Variants in SYNE1 observed in about 807,000 individuals in gnomAD.
SYNE1 encodes spectrin repeat containing nuclear envelope protein 1.
In SYNE1, 616 loss-of-function variants were observed where a neutral mutation model predicts 1,111.0. The ratio of observed to expected loss-of-function variants is 0.55; its 90% CI spans 0.52 to 0.59. The LOEUF is 0.59. Ranked by LOEUF, SYNE1 falls within the 20% of genes least tolerant of loss-of-function variation. The probability of loss-of-function intolerance (pLI) is 0.00; values close to 1 mark genes in which losing one functional copy is unlikely to be tolerated. For synonymous variants in SYNE1, 3,855 were observed against 3,825.8 expected (o/e 1.01, Z -0.28); for missense variants, 10,006 against 10,417.0 (o/e 0.96, Z 1.72).
intron 120 of SYNE1, among the ~76,000 whole-genome samples, chr6:152,218,721 T>G (rs1458585608): frequency 2.6e-5 from 4 of 152,182 alleles, no homozygotes; most frequent in Non-Finnish European, 5.9e-5. Flanking sequence ...ACACGAATAT[T>G]TATATTAAAG....
intron 20 of SYNE1, 186 bp downstream of exon 20, chr6:152,462,552 T>C: frequency 1.5e-6 from 1 of 646,382 alleles, no homozygotes; most frequent in Non-Finnish European, 2.6e-6. Context: ...TTACTTTATA[T>C]GATCAAGTCA....
intron 121 of SYNE1, among the ~76,000 whole-genome samples, chr6:152,218,040 C>G (rs1192981817): frequency 6.6e-6 from 1 of 151,838 alleles, no homozygotes; most frequent in Admixed American, 6.6e-5. Context: ...ACTAAAAATA[C>G]AAAAACTAGC....
chr6:152,585,054 G>A (rs2099533200), intron 3 of SYNE1, among the ~76,000 whole-genome samples: 1 of 152,106 alleles, frequency 6.6e-6, no homozygotes, highest in Admixed American at 6.5e-5. Flanking sequence ...TTAATCATAG[G>A]GGTGGTTATC....
At position 152,396,966 on chromosome 6, in the gene SYNE1, T is replaced by G. The variant is rs761520305; in HGVS notation, c.7365A>C (p.Ser2455=). Residue 2455 remains serine (S), a synonymous_variant, in exon 50 of 146, where the codon TCA becomes TCC. Transcript: ENST00000367255. ...KLHDLQNILD[S]VSDGQSKLDA... ...CAAGTTTGCTCTGCCCATCACTGAC[T>G]GAGTCCAAAATGTTCTGTTTCAGGA... The G allele has an allele frequency of 1.2e-6, 2 of 1,614,192 alleles. No individual in the cohort carries two copies. The highest frequency in any genetic ancestry group is 3.3e-5 in the Admixed American group (2 of 60,018).
Position 152,168,366 on chromosome 6 carries a change from G to A in SYNE1, c.23628-4041C>T. The A allele has an allele frequency of 8.6e-6, 5 of 578,084 alleles. No homozygotes were observed. The South Asian group carries it at 1.1e-4, about 13-fold the overall frequency. The allele number at this position is 578,084 out of a possible 1,614,324, so 35.8% of individuals were successfully genotyped here. A position where few individuals can be genotyped will look rare whatever the true frequency, so the allele number is the denominator to read the frequency against. ...AACATGACACTGGGCAGTGACAAGTGGTCATGTTTCTAAATAAAACCTACA... is the reference window on the plus strand; with the variant it reads ...AACATGACACTGGGCAGTGACAAGTAGTCATGTTTCTAAATAAAACCTACA... On this transcript the variant is annotated intron_variant, in intron 130 of 145. Transcript: ENST00000367255.
chr6:152,204,717 C>A (rs887834136), intron 126 of SYNE1, among the ~76,000 whole-genome samples: 1 of 152,020 alleles, frequency 6.6e-6, no homozygotes, highest in Admixed American at 6.6e-5. Flanking sequence ...AATCTATAAC[C>A]AAGTCCTTTT....
chr6:152,219,472 C>T (rs1449701011), intron 119 of SYNE1, among the ~76,000 whole-genome samples: 3 of 114,100 alleles, frequency 2.6e-5, no homozygotes, highest in South Asian at 2.9e-4. Context: ...TGGGGAAATG[C>T]AGAAAAACAT....
chr6:152,298,267 C>A (rs534538250), intron 93 of SYNE1, among the ~76,000 whole-genome samples: 1 of 152,210 alleles, frequency 6.6e-6, no homozygotes, highest in African/African-American at 2.4e-5. Context: ...AGAGCTGCAA[C>A]TCAGTGTGAG....
At chr6:152,443,259 A>G (rs2098548845) in intron 30 of SYNE1, among the ~76,000 whole-genome samples, 1 of 152,132 alleles carries the variant, frequency 6.6e-6, no homozygotes, top group Non-Finnish European at 1.5e-5. Context: ...ACCAAATATT[A>G]ATTTTTTATA....
intron 3 of SYNE1, among the ~76,000 whole-genome samples, chr6:152,598,696 T>C (rs1256927037): frequency 6.6e-6 from 1 of 152,210 alleles, no homozygotes; most frequent in East Asian, 1.9e-4. Flanking sequence ...GTCATCACAG[T>C]TGATGAATCT....
At chr6:152,178,200 G>T (rs971989193) in intron 129 of SYNE1, among the ~76,000 whole-genome samples, 3 of 151,684 alleles carry the variant, frequency 2.0e-5, no homozygotes, top group East Asian at 1.9e-4. Flanking sequence ...TCAAGAGATG[G>T]TTTTTTTCCC....
At chr6:152,536,600 T>C (rs2099244232) in intron 4 of SYNE1, among the ~76,000 whole-genome samples, 2 of 150,896 alleles carry the variant, frequency 1.3e-5, no homozygotes, top group African/African-American at 4.9e-5. Flanking sequence ...AACTGCCAAA[T>C]CGAATGGGTT....
intron 3 of SYNE1, among the ~76,000 whole-genome samples, chr6:152,540,487 A>G (rs2099264073): frequency 1.3e-5 from 2 of 152,248 alleles, no homozygotes; most frequent in Admixed American, 1.3e-4. Context: ...ATAGAGCCGT[A>G]TACATGAAGC....
At chr6:152,342,493 C>G (rs1221721139) in intron 74 of SYNE1, among the ~76,000 whole-genome samples, 1 of 152,174 alleles carries the variant, frequency 6.6e-6, no homozygotes, top group African/African-American at 2.4e-5. Context: ...AATATGAACA[C>G]TTTTGTGAAC....
chr6:152,231,424 A>C lies in SYNE1; in HGVS notation c.21006T>G (p.Ser7002Arg). Residue 7002 changes from serine to arginine, a missense_variant, in exon 114 of 146, where the codon AGT becomes AGG. Ser to Arg is a moderately radical substitution (Grantham distance 110). This residue lies in a region of SYNE1 where 2,182 missense variants were observed against 2,287.8 expected (regional missense o/e 0.95). Transcript: ENST00000367255. ...TTACTAGACCTTGCAGAATTTGCCAACTTTTATTCATTGCTCCAAGTTGCT... is the reference window on the plus strand; with the variant it reads ...TTACTAGACCTTGCAGAATTTGCCACCTTTTATTCATTGCTCCAAGTTGCT... The part of the protein sequence containing the change: ...FAEQLGAMNK[S>R]WQILQGLVTE... 7 of 1,614,148 alleles carry C rather than the reference A, an allele frequency of 4.3e-6. No homozygotes were observed. The South Asian group carries it at 7.7e-5, about 18-fold the overall frequency.
At chr6:152,485,495 CT>C (rs2098934421) in intron 12 of SYNE1, among the ~76,000 whole-genome samples, 1 of 152,158 alleles carries the variant, frequency 6.6e-6, no homozygotes, top group East Asian at 1.9e-4. Context: ...AAGAGGTTTA[CT>C]TTAGGGGACC....
intron 2 of SYNE1, among the ~76,000 whole-genome samples, chr6:152,632,949 T>C (rs1398012251): frequency 6.6e-6 from 1 of 152,174 alleles, no homozygotes; most frequent in Non-Finnish European, 1.5e-5. Context: ...AAGTGTGCTC[T>C]TCTGTTCCAA....
At chr6:152,139,684 G>GAAAGAA (rs2057991994) in intron 140 of SYNE1, among the ~76,000 whole-genome samples, 1 of 117,848 alleles carries the variant, frequency 8.5e-6, no homozygotes, top group African/African-American at 3.3e-5. Flanking sequence ...GAGAGAGAAA[G>GAAAGAA]AAAGAAAAAG....
chr6:152,158,074 T>C (rs1435322164), intron 131 of SYNE1, among the ~76,000 whole-genome samples: 2 of 152,330 alleles, frequency 1.3e-5, no homozygotes, highest in Non-Finnish European at 1.5e-5. Flanking sequence ...ACTTTTAATG[T>C]AGGGCAGAAG....
Sources: allele counts gnomAD v4.1 joint callset (sites outside exome capture counted in the v4.1 genomes callset), GRCh38; gene constraint gnomAD v4.1.1; regional missense constraint gnomAD v4.1.1; transcripts MANE v1.5; gene names NCBI Gene and HGNC (gene_info 2026-07-23, HGNC 2026-07-21).